TAFA4: variants seen among roughly 807,000 people sequenced by gnomAD.
TAFA4 encodes chemokine-like protein TAFA-4.
TAFA4 carries 20 observed loss-of-function variants against 21.1 expected under a neutral mutation model. The ratio of observed to expected loss-of-function variants is 0.95; its 90% CI spans 0.67 to 1.38. TAFA4 has a LOEUF of 1.38. TAFA4 is among the 40% of genes most tolerant of loss of function. The pLI, the probability that TAFA4 is intolerant of heterozygous loss-of-function variation, is 0.00. For missense variants in TAFA4, 211 were observed against 180.9 expected (o/e 1.17, Z -0.95); for synonymous variants, 71 against 67.4 (o/e 1.05, Z -0.26).
intron 3 of TAFA4, among the ~76,000 whole-genome samples, chr3:68,811,746 T>C (rs1703845309): frequency 6.6e-6 from 1 of 152,014 alleles, no homozygotes; most frequent in Non-Finnish European, 1.5e-5. Flanking sequence ...TTGGAAAACA[T>C]TCTGCAGGAT....
At chr3:68,814,327 CAGG>C (rs1703912527) in intron 3 of TAFA4, among the ~76,000 whole-genome samples, 1 of 152,084 alleles carries the variant, frequency 6.6e-6, no homozygotes, top group Admixed American at 6.6e-5. Context: ...GGCAATCAGG[CAGG>C]AGAAGGAAAT....
intron 1 of TAFA4, among the ~76,000 whole-genome samples, chr3:68,906,375 T>C (rs563351896): frequency 1.9e-4 from 29 of 152,240 alleles, no homozygotes; most frequent in Non-Finnish European, 1.0e-4. Flanking sequence ...GGACTCAGTA[T>C]GCAAATAATA....
chr3:68,883,509 A>G (rs79399187), intron 2 of TAFA4, among the ~76,000 whole-genome samples: 6,104 of 152,330 alleles, frequency 0.04, 176 homozygotes, highest in Non-Finnish European at 0.063. Flanking sequence ...AATTTAATCA[A>G]AGATGTGAAA....
chr3:68,853,039 A>G (rs1416348310), intron 3 of TAFA4, among the ~76,000 whole-genome samples: 1 of 152,162 alleles, frequency 6.6e-6, no homozygotes, highest in Non-Finnish European at 1.5e-5. Context: ...AGGGTTCTTA[A>G]ACAAGAAATG....
At chr3:68,865,191 T>C (rs1313591336) in intron 3 of TAFA4, among the ~76,000 whole-genome samples, 2 of 152,182 alleles carry the variant, frequency 1.3e-5, no homozygotes, top group South Asian at 4.1e-4. Flanking sequence ...TCTGGCTTCA[T>C]TCTACTCCAC....
rs78975564 is a variant in TAFA4, at chr3:68,857,591, A to C, written c.130+23139T>G. Among the ~76,000 whole-genome samples the C allele has an allele frequency of 1.9e-3, 284 of 152,292 alleles. 3 individuals are homozygous for C. Among genetic ancestry groups the C allele is most frequent in the African/African-American group, 6.5e-3 (269 of 41,572 alleles). ...ATCATTATCTAAAGATACATGTATA[A>C]ATACATTGTGAAATGTAAATACATA... On this transcript the variant is annotated intron_variant, in intron 3 of 5. Coordinates refer to ENST00000295569, the MANE Select transcript of TAFA4 (RefSeq NM_182522.5).
chr3:68,882,074 C>T (rs1179130305), intron 2 of TAFA4, among the ~76,000 whole-genome samples: 1 of 152,168 alleles, frequency 6.6e-6, no homozygotes, highest in Non-Finnish European at 1.5e-5. Flanking sequence ...TTTTAAGTAG[C>T]CAGGCCAATC....
intron 1 of TAFA4, among the ~76,000 whole-genome samples, chr3:68,892,648 T>G (rs1470008431): frequency 6.6e-6 from 1 of 152,218 alleles, no homozygotes; most frequent in South Asian, 2.1e-4. Flanking sequence ...TTTAAATAAA[T>G]AGACATGCTA....
intron 3 of TAFA4, among the ~76,000 whole-genome samples, chr3:68,761,219 G>A (rs149363019): frequency 6.6e-6 from 1 of 152,142 alleles, no homozygotes; most frequent in East Asian, 1.9e-4. Context: ...TGAACTACTT[G>A]AAACACTGCA....
At chr3:68,796,347 T>C (rs1703453632) in intron 3 of TAFA4, among the ~76,000 whole-genome samples, 1 of 152,142 alleles carries the variant, frequency 6.6e-6, no homozygotes, top group African/African-American at 2.4e-5. Flanking sequence ...ATATAGACAA[T>C]ATCTCTCCAC....
At chr3:68,793,727 T>G (rs921471898) in intron 3 of TAFA4, among the ~76,000 whole-genome samples, 2 of 152,202 alleles carry the variant, frequency 1.3e-5, no homozygotes, top group Admixed American at 1.3e-4. Flanking sequence ...GTTACGGACT[T>G]TAAAAACTGC....
intron 1 of TAFA4, among the ~76,000 whole-genome samples, chr3:68,923,202 T>C (rs929633545): frequency 4.6e-5 from 7 of 152,210 alleles, no homozygotes; most frequent in Non-Finnish European, 1.0e-4. Context: ...CATCTTGCTA[T>C]TGCTCATCAC....
intron 1 of TAFA4, among the ~76,000 whole-genome samples, chr3:68,892,868 T>C (rs1204518194): frequency 6.6e-6 from 1 of 152,198 alleles, no homozygotes; most frequent in Non-Finnish European, 1.5e-5. Context: ...AATGAATAAC[T>C]GAGATCCAGT....
chr3:68,809,629 T>A (rs1316944531), intron 3 of TAFA4, among the ~76,000 whole-genome samples: 1 of 152,160 alleles, frequency 6.6e-6, no homozygotes, highest in East Asian at 1.9e-4. Flanking sequence ...CAAAAAAAAT[T>A]ATTGCCCAGA....
At chr3:68,828,182 G>T (rs1164808306) in intron 3 of TAFA4, among the ~76,000 whole-genome samples, 1 of 152,164 alleles carries the variant, frequency 6.6e-6, no homozygotes, top group Non-Finnish European at 1.5e-5. Flanking sequence ...AGATCAGATG[G>T]TTGTGGATGC....
chr3:68,821,977 C>T (rs1243310319), intron 3 of TAFA4, among the ~76,000 whole-genome samples: 2 of 152,102 alleles, frequency 1.3e-5, no homozygotes, highest in South Asian at 2.1e-4. Context: ...AAAATCTCTA[C>T]CGGTATTAAT....
At chr3:68,820,717 C>CA (rs1001693627) in intron 3 of TAFA4, among the ~76,000 whole-genome samples, 5 of 152,026 alleles carry the variant, frequency 3.3e-5, no homozygotes, top group South Asian at 2.1e-4. Context: ...GTTCTCATCA[C>CA]AAAAAAATGG....
chr3:68,923,420 A>T (rs1462925489), intron 1 of TAFA4, among the ~76,000 whole-genome samples: 1 of 152,178 alleles, frequency 6.6e-6, no homozygotes. Flanking sequence ...ACAAAAATGC[A>T]ATCATCAGTC....
chr3:68,826,788 T>A (rs1389836622), intron 3 of TAFA4, among the ~76,000 whole-genome samples: 1 of 152,126 alleles, frequency 6.6e-6, no homozygotes, highest in Non-Finnish European at 1.5e-5. Context: ...CTTCTGAAAC[T>A]TTAATACCCT....
Sources: gnomAD v4.1 joint callset for allele counts (sites outside exome capture counted in the v4.1 genomes callset) on GRCh38, gnomAD v4.1.1 for gene constraint, MANE v1.5 for transcripts, NCBI Gene and HGNC (gene_info 2026-07-23, HGNC 2026-07-21) for gene names.